The following AIRIM variants were observed in gnomAD, a reference collection of about 807,000 sequenced individuals.
AIRIM encodes AFG2 interacting ribosome maturation factor.
chr1:37,689,089 T>C, the AIRIM span, among the ~76,000 whole-genome samples: 3 of 152,128 alleles, frequency 2.0e-5, no homozygotes, highest in Non-Finnish European at 4.4e-5. Flanking sequence ...AAAGTGGTGA[T>C]TAAGAGCTCT....
chr1:37,688,327 C>T, the AIRIM span, among the ~76,000 whole-genome samples: 1 of 152,152 alleles, frequency 6.6e-6, no homozygotes, highest in Non-Finnish European at 1.5e-5. Flanking sequence ...GGATTACAGC[C>T]ATAAGCCACC....
chr1:37,683,228 A>G, the AIRIM span: 1 of 1,609,182 alleles, frequency 6.2e-7, no homozygotes, highest in Non-Finnish European at 8.5e-7. Flanking sequence ...ACAGAGGCAC[A>G]GCAAGGGCAC....
At chr1:37,682,892 T>C in the AIRIM span, 3 of 535,648 alleles carry the variant, frequency 5.6e-6, no homozygotes, top group Non-Finnish European at 1.0e-5. Context: ...TCCCTGAGCC[T>C]CAGAAAAGGG....
chr1:37,691,301 T>C, the AIRIM span: 1 of 152,276 alleles, frequency 6.6e-6, no homozygotes, highest in Non-Finnish European at 1.5e-5. Context: ...TTGGCACCTT[T>C]GCTTATTTCT....
chr1:37,690,311 G>T, the AIRIM span: 1 of 1,291,020 alleles, frequency 7.7e-7, no homozygotes, highest in South Asian at 1.2e-5. Flanking sequence ...AGGAGACCCT[G>T]GTTTCCCCTC....
chr1:37,685,615 C>T, the AIRIM span, among the ~76,000 whole-genome samples: 280 of 152,062 alleles, frequency 1.8e-3, 1 homozygote, highest in African/African-American at 6.4e-3. Context: ...CTCAAACTCT[C>T]GGGCTCAAGC....
At chr1:37,687,066 GTGTGTGTGTGTGT>G in the AIRIM span, among the ~76,000 whole-genome samples, 3 of 59,630 alleles carry the variant, frequency 5.0e-5, no homozygotes, top group African/African-American at 1.7e-4. Flanking sequence ...AAAAGTGTGT[GTGTGTGTGTGTGT>G]GTGTGTGTGT....
the AIRIM span, chr1:37,683,277 A>T: frequency 6.2e-7 from 1 of 1,613,200 alleles, no homozygotes; most frequent in South Asian, 1.1e-5. Flanking sequence ...ACAGGGAGAG[A>T]AAGGAGGAGA....
the AIRIM span, among the ~76,000 whole-genome samples, chr1:37,684,516 G>T: frequency 6.6e-6 from 1 of 152,204 alleles, no homozygotes; most frequent in Non-Finnish European, 1.5e-5. Flanking sequence ...CTACTTGGGA[G>T]GCTGAGGCAG....
chr1:37,684,589 A>C, the AIRIM span, among the ~76,000 whole-genome samples: 5 of 152,376 alleles, frequency 3.3e-5, no homozygotes, highest in African/African-American at 1.2e-4. Flanking sequence ...ATTGCACCCC[A>C]GTCTGGGCAA....
chr1:37,684,178 G>A, the AIRIM span: 1 of 152,534 alleles, frequency 6.6e-6, no homozygotes, highest in East Asian at 1.9e-4. Context: ...TGGGGACAGA[G>A]AGGGAAAATC....
At chr1:37,687,012 C>T in the AIRIM span, among the ~76,000 whole-genome samples, 4 of 151,594 alleles carry the variant, frequency 2.6e-5, no homozygotes, top group South Asian at 6.3e-4. Flanking sequence ...GCCAAGTTCG[C>T]GTCACTGCAC....
the AIRIM span, among the ~76,000 whole-genome samples, chr1:37,686,053 T>C: frequency 6.6e-6 from 1 of 152,206 alleles, no homozygotes; most frequent in East Asian, 1.9e-4. Flanking sequence ...ACTTGCCTTT[T>C]TCAATGCCTG....
the AIRIM span, chr1:37,689,721 T>C: frequency 6.2e-7 from 1 of 1,613,958 alleles, no homozygotes; most frequent in Non-Finnish European, 8.5e-7. Context: ...AACCGCAGGT[T>C]CTGTGCGGCC....
the AIRIM span, chr1:37,689,715 GC>G: frequency 6.2e-7 from 1 of 1,613,990 alleles, no homozygotes; most frequent in East Asian, 2.2e-5. Context: ...TCCTCAAACC[GC>G]AGGTTCTGTG....
the AIRIM span, chr1:37,686,449 G>T: frequency 6.2e-7 from 1 of 1,612,242 alleles, no homozygotes. Flanking sequence ...TGAGGAGGAT[G>T]GCTCTGCAAG....
At chr1:37,687,223 G>A in the AIRIM span, among the ~76,000 whole-genome samples, 1 of 151,800 alleles carries the variant, frequency 6.6e-6, no homozygotes. Context: ...TGGCTCCCGG[G>A]TTCAAGTGAT....
At chr1:37,690,045 G>A in the AIRIM span, 4 of 1,416,576 alleles carry the variant, frequency 2.8e-6, no homozygotes, top group Non-Finnish European at 3.7e-6. Flanking sequence ...TCGAGACGGA[G>A]TCTCACTGTC....
At chr1:37,690,521 T>C in the AIRIM span, 1 of 1,179,206 alleles carries the variant, frequency 8.5e-7, no homozygotes, top group Non-Finnish European at 1.1e-6. Flanking sequence ...CCACAGTCTC[T>C]CTGCGCATGC....
Sources: allele counts gnomAD v4.1 joint callset (sites outside exome capture counted in the v4.1 genomes callset), GRCh38; gene constraint gnomAD v4.1.1; transcripts MANE v1.5; gene names NCBI Gene and HGNC (gene_info 2026-07-23, HGNC 2026-07-21).